NFYC: variants seen among roughly 807,000 people sequenced by gnomAD.
NFYC encodes the protein nuclear transcription factor Y subunit gamma.
In NFYC, 25 loss-of-function variants were observed where a neutral mutation model predicts 53.1. The ratio of observed to expected loss-of-function variants is 0.47; its 90% CI spans 0.34 to 0.66. NFYC has a LOEUF of 0.66. NFYC is among the 30% of genes least tolerant of loss of function. The pLI is 0.01. For missense variants in NFYC, 260 were observed against 422.7 expected, an observed-to-expected ratio of 0.62 and a Z score of 3.38; for synonymous variants, 145 against 152.6, an observed-to-expected ratio of 0.95 and a Z score of 0.37.
At chr1:40,745,085 T>C (rs1458161847) in intron 2 of NFYC, among the ~76,000 whole-genome samples, 1 of 152,188 alleles carries the variant, frequency 6.6e-6, no homozygotes. Context: ...TTATTATAAA[T>C]TTCTGCCTCA....
intron 1 of NFYC, chr1:40,723,266 A>C (rs937247759): frequency 6.6e-6 from 1 of 152,224 alleles, no homozygotes; most frequent in South Asian, 2.1e-4. Context: ...GAATCTCAGA[A>C]GGCACCCGGT....
At chr1:40,726,356 G>A (rs1248311515) in intron 1 of NFYC, among the ~76,000 whole-genome samples, 1 of 151,836 alleles carries the variant, frequency 6.6e-6, no homozygotes, top group African/African-American at 2.4e-5. Flanking sequence ...GACCTCAGGT[G>A]ATCCACCCAC....
chr1:40,744,279 G>A (rs1198910409), intron 2 of NFYC, among the ~76,000 whole-genome samples: 1 of 152,170 alleles, frequency 6.6e-6, no homozygotes, highest in Non-Finnish European at 1.5e-5. Context: ...GCACAAAACT[G>A]GTTCCTGAGG....
At chr1:40,767,905 G>T (rs1646900385) in intron 8 of NFYC, among the ~76,000 whole-genome samples, 1 of 152,204 alleles carries the variant, frequency 6.6e-6, no homozygotes, top group African/African-American at 2.4e-5. Context: ...GAACCCAGGA[G>T]GTGGAGGTTG....
At chr1:40,742,745 A>G (rs1645416313) in intron 2 of NFYC, among the ~76,000 whole-genome samples, 1 of 152,232 alleles carries the variant, frequency 6.6e-6, no homozygotes, top group South Asian at 2.1e-4. Flanking sequence ...GCAAAGCAAC[A>G]TCAATTCCAT....
intron 1 of NFYC, among the ~76,000 whole-genome samples, chr1:40,726,360 C>T (rs1206597456): frequency 1.3e-5 from 2 of 151,868 alleles, no homozygotes; most frequent in African/African-American, 4.8e-5. Flanking sequence ...TCAGGTGATC[C>T]ACCCACCTCA....
rs1253267555 is a variant in NFYC at position 40,771,481 on chromosome 1, A to G, written c.*653A>G. Reference sequence around the variant, plus strand: ...CTCTTTTCTCCCAGGGACCCAGGAAACTAGGACTTTGTGTGTTTGCTGCCC... The same window carrying G: ...CTCTTTTCTCCCAGGGACCCAGGAAGCTAGGACTTTGTGTGTTTGCTGCCC... On this transcript the variant is annotated 3_prime_UTR_variant, in exon 10 of 10. Transcript: ENST00000447388. The G allele has an allele frequency of 2.1e-6, 1 of 469,362 alleles. No homozygotes were observed. The highest frequency in any genetic ancestry group is 2.4e-5 in the Admixed American group (1 of 42,266). 29.1% of individuals were successfully genotyped at this position (469,362 alleles called of 1,614,324 possible). A position where few individuals can be genotyped will look rare whatever the true frequency, so the allele number is the denominator to read the frequency against.
chr1:40,707,507 G>A (rs374182777), intron 1 of NFYC, among the ~76,000 whole-genome samples: 3 of 118,624 alleles, frequency 2.5e-5, no homozygotes, highest in South Asian at 2.6e-4. Flanking sequence ...GAGAGAGAGA[G>A]AAAAATTTAT....
At chr1:40,759,557 ATATG>A (rs896269814) in intron 6 of NFYC, among the ~76,000 whole-genome samples, 2 of 52,108 alleles carry the variant, frequency 3.8e-5, no homozygotes, top group African/African-American at 6.3e-5. Flanking sequence ...AAAAAAAAGT[ATATG>A]TGTGTGTGTG....
chr1:40,720,537 A>G (rs1292347109), intron 1 of NFYC, among the ~76,000 whole-genome samples: 1 of 152,174 alleles, frequency 6.6e-6, no homozygotes, highest in Non-Finnish European at 1.5e-5. Context: ...TTCAAAGAAA[A>G]GTACCTAGAA....
intron 1 of NFYC, among the ~76,000 whole-genome samples, chr1:40,699,009 A>C (rs983315173): frequency 6.6e-6 from 1 of 151,996 alleles, no homozygotes; most frequent in Non-Finnish European, 1.5e-5. Flanking sequence ...CTAAAGATAC[A>C]AAAAATTAGC....
chr1:40,740,340 A>G (rs1031329126), intron 2 of NFYC, among the ~76,000 whole-genome samples: 4 of 152,244 alleles, frequency 2.6e-5, no homozygotes, highest in Non-Finnish European at 4.4e-5. Flanking sequence ...ACAGTAATGA[A>G]CCAGACAGAC....
intron 1 of NFYC, chr1:40,695,671 T>G (rs867173390): frequency 1.3e-5 from 2 of 152,248 alleles, no homozygotes; most frequent in Non-Finnish European, 2.9e-5. Flanking sequence ...TCCACCCACC[T>G]CGGCCTCCCA....
chr1:40,758,005 G>C, intron 5 of NFYC, 116 bp from the exon 6 acceptor site: 1 of 1,113,448 alleles, frequency 9.0e-7, no homozygotes, highest in Non-Finnish European at 1.3e-6. Context: ...AATGTGGAGA[G>C]CTCAGCATTC....
rs114367126 is a variant in NFYC, at chr1:40,756,191, C to T, written c.388-1930C>T. 5.0e-3 allele frequency among the ~76,000 whole-genome samples: 757 copies of T among 152,352 alleles called. 5 individuals are homozygous for T. The highest frequency in any genetic ancestry group is 0.018 in the African/African-American group (733 of 41,580). On this transcript the variant is annotated intron_variant, in intron 5 of 9. Transcript: ENST00000447388. ...TAGCTTTGCAAAGAGCAGTTGGCTT[C>T]TGTTTCTTGGCTGCAAAAGGTATCA...
intron 7 of NFYC, chr1:40,766,266 T>C (rs1646805482): frequency 8.5e-6 from 2 of 233,996 alleles, no homozygotes; most frequent in Non-Finnish European, 1.7e-5. Context: ...TCAGATAAAT[T>C]CCTAAGATAA....
intron 2 of NFYC, among the ~76,000 whole-genome samples, chr1:40,746,448 C>G (rs1202499960): frequency 6.6e-6 from 1 of 152,064 alleles, no homozygotes; most frequent in African/African-American, 2.4e-5. Flanking sequence ...GTTGGTCTTG[C>G]AAAAGAAAGT....
intron 4 of NFYC, among the ~76,000 whole-genome samples, chr1:40,751,144 G>A (rs1645891820): frequency 6.6e-6 from 1 of 152,026 alleles, no homozygotes; most frequent in African/African-American, 2.4e-5. Context: ...CATCAATATA[G>A]GAATATATAA....
chr1:40,727,601 G>A (rs1314069160), intron 1 of NFYC, among the ~76,000 whole-genome samples: 4 of 149,594 alleles, frequency 2.7e-5, no homozygotes, highest in African/African-American at 9.8e-5. Context: ...CACGATTTCG[G>A]CTCACTGCAA....
Sources: gnomAD v4.1 joint callset for allele counts (sites outside exome capture counted in the v4.1 genomes callset) on GRCh38, gnomAD v4.1.1 for gene constraint, MANE v1.5 for transcripts, NCBI Gene and HGNC (gene_info 2026-07-23, HGNC 2026-07-21) for gene names.